Variants in ATP6AP2 observed in about 807,000 individuals in gnomAD.
ATP6AP2 encodes the protein renin receptor.
ATP6AP2 carries 1 observed loss-of-function variant against 23.4 expected under a neutral mutation model. The observed-to-expected ratio is 0.04, with a 90% CI of 0.02 to 0.20. The LOEUF (loss-of-function observed/expected upper bound fraction) is 0.20. Ranked by LOEUF, ATP6AP2 falls within the 10% of genes least tolerant of loss-of-function variation. The pLI is 1.00. For missense variants in ATP6AP2, 174 were observed against 271.3 expected, an observed-to-expected ratio of 0.64 and a Z score of 2.52; for synonymous variants, 90 against 97.1, an observed-to-expected ratio of 0.93 and a Z score of 0.43.
At chrX:40,593,568 G>A (rs759050802) in intron 3 of ATP6AP2, among the ~76,000 whole-genome samples, 21 of 109,670 alleles carry the variant, frequency 1.9e-4, no homozygotes, top group Admixed American at 1.6e-3. Context: ...GTGCAGTGGC[G>A]CAATGTCATC....
chrX:40,599,284 G>A (rs1036196612), intron 6 of ATP6AP2: 3 of 293,482 alleles, frequency 1.0e-5, no homozygotes, highest in Non-Finnish European at 1.8e-5. Flanking sequence ...AACTGGTCCA[G>A]CCATCTGTTC....
chrX:40,585,369 G>A (rs1926438131), intron 1 of ATP6AP2, among the ~76,000 whole-genome samples: 2 of 111,680 alleles, frequency 1.8e-5, no homozygotes, highest in African/African-American at 6.5e-5. Flanking sequence ...GACAGGAAGG[G>A]AAAGAAACAG....
chrX:40,588,334 G>GCC (rs58929123), intron 1 of ATP6AP2, among the ~76,000 whole-genome samples: 141 of 12,391 alleles, frequency 0.011, 2 homozygotes, highest in African/African-American at 0.011. Context: ...TGACATGTAT[G>GCC]CCCCCCCCCC....
intron 2 of ATP6AP2, chrX:40,590,016 G>C (rs1926584541): frequency 9.0e-6 from 1 of 111,332 alleles, no homozygotes; most frequent in Non-Finnish European, 1.9e-5. Flanking sequence ...AACAGGATTG[G>C]TTGTTTACAT....
chrX:40,594,498 A>C (rs924159866), intron 3 of ATP6AP2, among the ~76,000 whole-genome samples: 2 of 112,818 alleles, frequency 1.8e-5, no homozygotes, highest in Non-Finnish European at 3.7e-5. Flanking sequence ...AATGATGCTG[A>C]TCAAGTGAAA....
rs139234044 is a variant in ATP6AP2, at chrX:40,594,111, A to G, written c.300+2746A>G. Among the ~76,000 whole-genome samples, 689 of 112,446 alleles carry G rather than the reference A, an allele frequency of 6.1e-3. 34 individuals are homozygous for G. In the East Asian group the frequency reaches 0.16, roughly 27 times the overall value. ...AAAAAAAATATAAGTATGTGAGGTG[A>G]TGGATTTGTTCATTAGCCTGATTTA... On this transcript the variant is annotated intron_variant, in intron 3 of 8. Transcript: ENST00000636580.
chrX:40,597,227 C>T lies in ATP6AP2; in HGVS notation c.301-22C>T, dbSNP rs193191654. On this transcript the variant is annotated intron_variant, in intron 3 of 8. Coordinates refer to ENST00000636580, the MANE Select transcript of ATP6AP2 (RefSeq NM_005765.3). Reference sequence around the variant, plus strand: ...CCCACTTTGGTTCACATAATAATTGCGTTCTTACTCTTAAATTTCAGGCAG... The same window carrying T: ...CCCACTTTGGTTCACATAATAATTGTGTTCTTACTCTTAAATTTCAGGCAG... 457 of 1,094,318 alleles carry T rather than the reference C, an allele frequency of 4.2e-4. 1 individual carries two copies. In the East Asian group the frequency reaches 0.011, roughly 25 times the overall value. 90.2% of individuals were successfully genotyped at this position (1,094,318 alleles called of 1,213,427 possible).
Position 40,584,068 on chromosome X carries a change from A to C in ATP6AP2, c.37+2966A>C, listed in dbSNP as rs1926396841. 3.6e-5 allele frequency among the ~76,000 whole-genome samples: 4 copies of C among 111,542 alleles called. No homozygotes were observed. In the South Asian group the frequency reaches 1.5e-3, roughly 42 times the overall value. ...GCCAGATGAATGTACTAGAAATTCC[A>C]TTTATATCCTTTTTGTTTTTGTTTT... On this transcript the variant is annotated intron_variant, in intron 1 of 8. Coordinates refer to ENST00000636580, the MANE Select transcript of ATP6AP2 (RefSeq NM_005765.3).
At chrX:40,593,186 G>C (rs1304073725) in intron 3 of ATP6AP2, among the ~76,000 whole-genome samples, 1 of 110,738 alleles carries the variant, frequency 9.0e-6, no homozygotes, top group Non-Finnish European at 1.9e-5. Context: ...GGTGGAGGTT[G>C]CAGTGAGCTG....
At chrX:40,599,832 T>C in intron 7 of ATP6AP2, 91 bp downstream of exon 7, 2 of 1,101,355 alleles carry the variant, frequency 1.8e-6, no homozygotes, top group Non-Finnish European at 2.5e-6. Flanking sequence ...ACACTGTTGA[T>C]TGAACTCTTA....
intron 7 of ATP6AP2, chrX:40,600,292 AC>A (rs1926872218): frequency 8.6e-6 from 1 of 116,160 alleles, no homozygotes; most frequent in Non-Finnish European, 1.7e-5. Flanking sequence ...TTTGTGATTA[AC>A]CAGAGACCAC....
intron 2 of ATP6AP2, chrX:40,589,546 A>G (rs1201236022): frequency 2.5e-5 from 3 of 119,714 alleles, no homozygotes; most frequent in Non-Finnish European, 3.4e-5. Flanking sequence ...TTAATAGGAT[A>G]TCTACTTTCT....
chrX:40,581,118 C>A lies in ATP6AP2; in HGVS notation c.37+16C>A. 1.7e-6 allele frequency: 2 copies of A among 1,157,994 alleles called. No individual in the cohort carries two copies. The highest frequency in any genetic ancestry group is 2.3e-6 in the Non-Finnish European group (2 of 869,759). The stretch of plus-strand genomic sequence containing the variant: ...TTGGTGGCGGGTGAGGAGCCGGGGG[C>A]CGGCAGGACGTGCCTGGGGAGGTCC... On this transcript the variant is annotated intron_variant, in intron 1 of 8. Coordinates refer to ENST00000636580, the MANE Select transcript of ATP6AP2 (RefSeq NM_005765.3).
intron 1 of ATP6AP2, among the ~76,000 whole-genome samples, chrX:40,583,103 G>C (rs931632170): frequency 2.7e-5 from 3 of 112,333 alleles, no homozygotes; most frequent in African/African-American, 9.7e-5. Flanking sequence ...CCTAGAGAGA[G>C]AGGAAGGGAA....
intron 4 of ATP6AP2, 71 bp downstream of exon 4, chrX:40,597,415 AATTTT>A: frequency 9.4e-7 from 1 of 1,064,674 alleles, no homozygotes; most frequent in Non-Finnish European, 1.3e-6. Flanking sequence ...TATGAAATGT[AATTTT>A]ATTATGAAAA....
chrX:40,589,069 C>A lies in ATP6AP2; in HGVS notation c.121C>A (p.Arg41=). ...TGGAAATTGGCCTATACCAGGAGAG[C>A]GGATCCCAGACGTGGCTGCATTGTC... ...RNGNWPIPGE[R]IPDVAALSMG... is the part of the protein sequence containing the mutation. The change falls in exon 2 of 9, where the codon CGG becomes AGG. Residue 41 remains arginine (R), a synonymous_variant. Transcript: ENST00000636580. 8.3e-7 allele frequency: 1 copy of A among 1,209,263 alleles called. No homozygotes were observed. The highest frequency in any genetic ancestry group is 1.1e-6 in the Non-Finnish European group (1 of 894,138).
chrX:40,582,626 C>G (rs959286355), intron 1 of ATP6AP2, among the ~76,000 whole-genome samples: 18 of 111,839 alleles, frequency 1.6e-4, no homozygotes, highest in African/African-American at 5.9e-4. Context: ...TTCTTTGTTT[C>G]TTTCTTCTGT....
At chrX:40,597,818 T>G in intron 5 of ATP6AP2, 154 bp downstream of exon 5, 1 of 571,869 alleles carries the variant, frequency 1.7e-6, no homozygotes, top group Non-Finnish European at 2.8e-6. Flanking sequence ...GATCACAGGC[T>G]TGAGCCACTG....
chrX:40,587,667 T>C (rs1926512734), intron 1 of ATP6AP2, among the ~76,000 whole-genome samples: 1 of 112,448 alleles, frequency 8.9e-6, no homozygotes, highest in Non-Finnish European at 1.9e-5. Context: ...GGCTAACATT[T>C]GTTCTAGACT....
Sources: allele counts gnomAD v4.1 joint callset (sites outside exome capture counted in the v4.1 genomes callset), GRCh38; gene constraint gnomAD v4.1.1; transcripts MANE v1.5; gene names NCBI Gene and HGNC (gene_info 2026-07-23, HGNC 2026-07-21).